CKB: variants seen among roughly 807,000 people sequenced by gnomAD.
CKB encodes the protein creatine kinase B.
Under a neutral mutation model 36.9 loss-of-function variants are expected in CKB, and 15 were observed. That is an observed-to-expected ratio of 0.41 (90% confidence interval 0.27 to 0.63). CKB has a LOEUF of 0.63. Among genes scored for constraint, CKB ranks in the 20% least tolerant of loss-of-function variants. The pLI is 0.34. For missense variants in CKB, 413 were observed against 534.9 expected, an observed-to-expected ratio of 0.77 and a Z score of 2.25; for synonymous variants, 250 against 228.2, an observed-to-expected ratio of 1.10 and a Z score of -0.86.
chr14:103,520,401 G>T, intron 6 of CKB, 68 bp downstream of exon 6: 2 of 1,587,772 alleles, frequency 1.3e-6, no homozygotes. Context: ...TCCCCCGGGG[G>T]GACTGATGCT....
In CKB at chr14:103,521,825, C is replaced by T. The variant is rs1188987387; in HGVS notation, c.474G>A (p.Ala158=). ...RGERRAIEKL[A]VEALSSLDGD... ...GGCCCGCCCGGCCCCTACCTTCCAC[C>T]GCGAGCTTCTCGATGGCGCGGCGCT... The change falls in exon 4 of 8, where the codon GCG becomes GCA. Residue 158 remains alanine (A), a synonymous_variant. Coordinates refer to ENST00000348956, the MANE Select transcript of CKB (RefSeq NM_001823.5). The T allele has an allele frequency of 1.1e-5, 16 of 1,493,556 alleles. No homozygotes were observed. Among genetic ancestry groups the T allele is most frequent in the Non-Finnish European group, 1.3e-5 (15 of 1,129,478 alleles). The allele number at this position is 1,493,556 out of a possible 1,614,324, so 92.5% of individuals were successfully genotyped here.
rs940853197 is a variant in CKB at position 103,522,609 on chromosome 14, C to T, written c.-12-104G>A. ...CCGGGCCCCCCGGCGCCCCCCGGGA[C>T]GCGGCCAAGGTCAGCGGGGTCCGCA... On this transcript the variant is annotated intron_variant, in intron 1 of 7. Coordinates refer to ENST00000348956, the MANE Select transcript of CKB (RefSeq NM_001823.5). The surrounding 1 kb of genome is among the most constrained non-coding windows in gnomAD (Gnocchi z 6.7). The T allele has an allele frequency of 7.1e-6, 6 of 844,532 alleles. No individual in the cohort carries two copies. The highest frequency in any genetic ancestry group is 2.8e-5 in the South Asian group (1 of 36,196). The allele number at this position is 844,532 out of a possible 1,614,324, so 52.3% of individuals were successfully genotyped here.
rs1403152881 is a variant in CKB at position 103,521,842 on chromosome 14, C to A, written c.457G>T (p.Ala153Ser). 1.3e-6 allele frequency: 2 copies of A among 1,515,284 alleles called. No individual in the cohort carries two copies. Among genetic ancestry groups the A allele is most frequent in the Non-Finnish European group, 1.8e-6 (2 of 1,141,048 alleles). The allele number at this position is 1,515,284 out of a possible 1,614,324, so 93.9% of individuals were successfully genotyped here. A position where few individuals can be genotyped will look rare whatever the true frequency, so the allele number is the denominator to read the frequency against. ...PPHCSRGERR[A>S]IEKLAVEALS... is the part of the protein sequence containing the mutation. ...CCTTCCACCGCGAGCTTCTCGATGG[C>A]GCGGCGCTCCCCGCGGCTGCAGTGC... is the stretch of plus-strand genomic sequence containing the variant. The change falls in exon 4 of 8, where the codon GCC (alanine) becomes TCC (serine). Residue 153 changes from alanine to serine, a missense_variant. This residue lies in a region of CKB where 314 missense variants were observed against 409.4 expected (regional missense o/e 0.77). Transcript: ENST00000348956.
rs1389333856 is a variant in CKB, at chr14:103,521,401, C to G, written c.515G>C (p.Arg172Pro). The G allele has an allele frequency of 3.7e-6, 6 of 1,605,554 alleles. No homozygotes were observed. The highest frequency in any genetic ancestry group is 5.1e-6 in the Non-Finnish European group (6 of 1,178,894). ...LSSLDGDLAG[R>P]YYALKSMTEA... Reference sequence around the variant, plus strand: ...CGTCATGCTCTTGAGCGCGTAGTATCGGCCCGCCAGGTCGCCGTCCAGGCT... The same window carrying G: ...CGTCATGCTCTTGAGCGCGTAGTATGGGCCCGCCAGGTCGCCGTCCAGGCT... Residue 172 changes from arginine to proline, a missense_variant, in exon 5 of 8, where the codon CGA (arginine) becomes CCA (proline). By Grantham distance (103) the Arg-to-Pro change is moderately radical. Transcript: ENST00000348956.
rs747636497 is a variant in CKB at position 103,520,597 on chromosome 14, G to A, written c.654-5C>T. The A allele has an allele frequency of 1.2e-6, 2 of 1,610,658 alleles. No individual in the cohort carries two copies. The highest frequency in any genetic ancestry group is 8.5e-7 in the Non-Finnish European group (1 of 1,178,676). ...AAGGTCTTATTGTCATTGTGCCTGCGGGAGGGCTGGTCTCAGGGCATACCC... is the reference window on the plus strand; with the variant it reads ...AAGGTCTTATTGTCATTGTGCCTGCAGGAGGGCTGGTCTCAGGGCATACCC... On this transcript the variant is annotated splice_polypyrimidine_tract_variant and splice_region_variant and intron_variant, in intron 5 of 7. Coordinates refer to ENST00000348956, the MANE Select transcript of CKB (RefSeq NM_001823.5).
intron 5 of CKB, 136 bp from the exon 6 acceptor site, chr14:103,520,728 G>A (rs2075894138): frequency 3.0e-5 from 37 of 1,253,816 alleles, no homozygotes; most frequent in Non-Finnish European, 3.9e-5. Context: ...GACTCCACCC[G>A]CCAACACGGG....
rs1595996014 is a variant in CKB at position 103,522,052 on chromosome 14, T to C, written c.319A>G (p.Lys107Glu). ...AGGTTGTCGGGGTTGAGGTCGGTCT[T>C]GTGCTCATCGCTGGGCTTGTAGCCG... ...HGGYKPSDEH[K>E]TDLNPDNLQG... Residue 107 changes from lysine to glutamate, a missense_variant, in exon 3 of 8, where the codon AAG (lysine) becomes GAG (glutamate). Lys to Glu is a moderately conservative substitution (Grantham distance 56). Around this residue, in one of 3 missense-constraint regions of CKB, gnomAD observed 314 missense variants for 409.4 expected, o/e 0.77. Coordinates refer to ENST00000348956, the MANE Select transcript of CKB (RefSeq NM_001823.5). The surrounding 1 kb of genome is among the most constrained non-coding windows in gnomAD (Gnocchi z 6.7). The C allele has an allele frequency of 1.3e-6, 2 of 1,551,982 alleles. No homozygotes were observed. The highest frequency in any genetic ancestry group is 2.7e-5 in the African/African-American group (2 of 72,868).
In CKB at chr14:103,519,987, G is replaced by A; in HGVS notation, c.1023C>T (p.Arg341=). 1 of 1,611,092 alleles carries A rather than the reference G, an allele frequency of 6.2e-7. No individual in the cohort carries two copies. Among genetic ancestry groups the A allele is most frequent in the Non-Finnish European group, 8.5e-7 (1 of 1,179,980 alleles). ...CCAGCTCCACCTCTGAGAAGCCCAG[G>A]CGGTCAGCGTTGGAGACGTCGAAGA... The part of the protein sequence containing the change: ...GGVFDVSNAD[R]LGFSEVELVQ... Residue 341 remains arginine (R), a synonymous_variant, in exon 8 of 8, where the codon CGC becomes CGT. Transcript: ENST00000348956.
chr14:103,520,362 C>T, intron 6 of CKB, 51 bp from the exon 7 acceptor site: 1 of 1,587,796 alleles, frequency 6.3e-7, no homozygotes, highest in Non-Finnish European at 8.6e-7. Flanking sequence ...GAAACCCCTA[C>T]AGGCCCTGAG....
In CKB at chr14:103,520,556, G is replaced by C. The variant is rs199734997; in HGVS notation, c.690C>G (p.Asn230Lys). 1 of 1,612,896 alleles carries C rather than the reference G, an allele frequency of 6.2e-7. No individual in the cohort carries two copies. The highest frequency in any genetic ancestry group is 8.5e-7 in the Non-Finnish European group (1 of 1,179,762). The change falls in exon 6 of 8, where the codon AAC becomes AAG. Residue 230 changes from asparagine (N) to lysine (K), a missense_variant. Asn to Lys is a moderately conservative substitution (Grantham distance 94). Transcript: ENST00000348956. The stretch of plus-strand genomic sequence containing the variant: ...AGATGACCCGCAGGTGGTCCTCCTC[G>C]TTGACCCACACCAGGAAGGTCTTAT... ...NDNKTFLVWVNEEDHLRVISM... is the reference protein window; with the variant it reads ...NDNKTFLVWVKEEDHLRVISM...
chr14:103,521,127 G>T, intron 5 of CKB, 136 bp downstream of exon 5: 1 of 1,114,534 alleles, frequency 9.0e-7, no homozygotes, highest in Non-Finnish European at 1.3e-6. Context: ...ACCCAGACCC[G>T]GAGCGCGGCC....
chr14:103,522,372 T>C lies in CKB; in HGVS notation c.122A>G (p.Glu41Gly), dbSNP rs1236340187. The C allele has an allele frequency of 6.2e-7, 1 of 1,611,684 alleles. No homozygotes were observed. The highest frequency in any genetic ancestry group is 1.1e-5 in the South Asian group (1 of 91,034). Reference protein sequence around the residue: ...AKVLTPELYAELRAKSTPSGF... With the variant: ...AKVLTPELYAGLRAKSTPSGF... ...GCTCGGCGTGCTCTTGGCGCGCAGCTCCGCGTACAGCTCGGGGGTCAGCAC... is the reference window on the plus strand; with the variant it reads ...GCTCGGCGTGCTCTTGGCGCGCAGCCCCGCGTACAGCTCGGGGGTCAGCAC... The change falls in exon 2 of 8, where the codon GAG becomes GGG. Residue 41 changes from glutamate to glycine, a missense_variant. This residue lies in a region of CKB where 74 missense variants were observed against 70.6 expected (regional missense o/e 1.05). Coordinates refer to ENST00000348956, the MANE Select transcript of CKB (RefSeq NM_001823.5). The surrounding 1 kb of genome is among the most constrained non-coding windows in gnomAD (Gnocchi z 6.7).
chr14:103,519,815 G>A lies in CKB; in HGVS notation c.*49C>T. The A allele has an allele frequency of 6.4e-7, 1 of 1,556,318 alleles. No homozygotes were observed. Among genetic ancestry groups the A allele is most frequent in the Middle Eastern group, 2.3e-4 (1 of 4,286 alleles). On this transcript the variant is annotated 3_prime_UTR_variant, in exon 8 of 8. Coordinates refer to ENST00000348956, the MANE Select transcript of CKB (RefSeq NM_001823.5). ...AGGGGTGCATGGTGGGCACTGCCCAGGCAATAAGTTAGGAAGCAGCAGGGC... is the reference window on the plus strand; with the variant it reads ...AGGGGTGCATGGTGGGCACTGCCCAAGCAATAAGTTAGGAAGCAGCAGGGC...
At position 103,522,031 on chromosome 14, in the gene CKB, T is replaced by C; in HGVS notation, c.340A>G (p.Asn114Asp). The change falls in exon 3 of 8, where the codon AAC becomes GAC. Residue 114 changes from asparagine (N) to aspartate (D), a missense_variant. Around this residue, in one of 3 missense-constraint regions of CKB, gnomAD observed 314 missense variants for 409.4 expected, o/e 0.77. Transcript: ENST00000348956. This position sits in a 1 kb window ranked among gnomAD's most constrained non-coding sequence, Gnocchi z 6.7. ...CGCCCGCAGCCCCGCACCTGCAGGT[T>C]GTCGGGGTTGAGGTCGGTCTTGTGC... The part of the protein sequence containing the change: ...DEHKTDLNPD[N>D]LQGGDDLDPN... 1.3e-6 allele frequency: 2 copies of C among 1,545,134 alleles called. No homozygotes were observed. Among genetic ancestry groups the C allele is most frequent in the South Asian group, 2.4e-5 (2 of 83,902 alleles).
chr14:103,521,794 C>A, intron 4 of CKB, 24 bp downstream of exon 4: 2 of 1,376,964 alleles, frequency 1.5e-6, no homozygotes, highest in Non-Finnish European at 1.9e-6. Context: ...GCCGCCGCCG[C>A]CCCTCGGCCC....
Position 103,522,304 on chromosome 14 carries a change from G to C in CKB, c.190C>G (p.Pro64Ala), listed in dbSNP as rs755149253. 6.9e-6 allele frequency: 11 copies of C among 1,604,998 alleles called. No individual in the cohort carries two copies. The East Asian group carries it at 2.2e-4, about 33-fold the overall frequency. ...CCGGCCCCGAGGGGTCGCGTACCCGGGTTGTCCACGCCTGTCTGGATGACG... is the reference window on the plus strand; with the variant it reads ...CCGGCCCCGAGGGGTCGCGTACCCGCGTTGTCCACGCCTGTCTGGATGACG... Reference protein sequence around the residue: ...DDVIQTGVDNPGHPYIMTVGC... With the variant: ...DDVIQTGVDNAGHPYIMTVGC... Residue 64 changes from proline (P) to alanine (A), a missense_variant, in exon 2 of 8, where the codon CCG becomes GCG. By Grantham distance (27) the Pro-to-Ala change is conservative. This residue lies in a region of CKB where 25 missense variants were observed against 54.9 expected (regional missense o/e 0.46). Transcript: ENST00000348956. This position sits in a 1 kb window ranked among gnomAD's most constrained non-coding sequence, Gnocchi z 6.7.
rs754339761 is a variant in CKB, at chr14:103,522,536, G to T, written c.-12-31C>A. The T allele has an allele frequency of 6.8e-7, 1 of 1,465,256 alleles. No individual in the cohort carries two copies. 90.8% of individuals were successfully genotyped at this position (1,465,256 alleles called of 1,614,324 possible). On this transcript the variant is annotated intron_variant, in intron 1 of 7. Coordinates refer to ENST00000348956, the MANE Select transcript of CKB (RefSeq NM_001823.5). The surrounding 1 kb of genome is among the most constrained non-coding windows in gnomAD (Gnocchi z 6.7). Reference sequence around the variant, plus strand: ...GGGAGACGCGGGGTCAGAGGGGACCGGCACGCCGGGGTTCCCGGGCTCCCG... The same window carrying T: ...GGGAGACGCGGGGTCAGAGGGGACCTGCACGCCGGGGTTCCCGGGCTCCCG...
At chr14:103,520,691 A>G in intron 5 of CKB, 99 bp from the exon 6 acceptor site, 1 of 1,455,652 alleles carries the variant, frequency 6.9e-7, no homozygotes, top group Non-Finnish European at 9.1e-7. Flanking sequence ...GCTCCCTGCC[A>G]TGCCCAGGAG....
intron 4 of CKB, 100 bp downstream of exon 4, chr14:103,521,718 C>A (rs1035941297): frequency 3.2e-6 from 4 of 1,250,542 alleles, no homozygotes; most frequent in Non-Finnish European, 4.1e-6. Flanking sequence ...AAGAGCGCGA[C>A]GGCGGCTGCC....
Sources: gnomAD v4.1 joint callset for allele counts on GRCh38, gnomAD v4.1.1 for gene constraint, gnomAD v4.1.1 regional missense constraint, Gnocchi (gnomAD v3.1) non-coding constraint, MANE v1.5 for transcripts, NCBI Gene and HGNC (gene_info 2026-07-23, HGNC 2026-07-21) for gene names.